Variants in SLC35F3 observed in about 807,000 individuals in gnomAD.
The protein encoded by SLC35F3 is putative thiamine transporter SLC35F3.
SLC35F3 carries 25 observed loss-of-function variants against 49.9 expected under a neutral mutation model. The observed-to-expected ratio is 0.50, with a 90% CI of 0.37 to 0.70. The LOEUF (loss-of-function observed/expected upper bound fraction) is 0.70. Among genes scored for constraint, SLC35F3 ranks in the 30% least tolerant of loss-of-function variants. The pLI is 0.00. For missense variants in SLC35F3, 525 were observed against 639.8 expected, an observed-to-expected ratio of 0.82 and a Z score of 1.94; for synonymous variants, 275 against 265.4, an observed-to-expected ratio of 1.04 and a Z score of -0.35.
intron 1 of SLC35F3, 23 bp from the exon 2 acceptor site, chr1:233,905,506 G>A (rs1341643628): frequency 6.3e-7 from 1 of 1,580,326 alleles, no homozygotes; most frequent in East Asian, 2.3e-5. Flanking sequence ...CCACCCACCT[G>A]CCCGTGGCGC....
chr1:234,165,538 C>A (rs886168868), intron 2 of SLC35F3, among the ~76,000 whole-genome samples: 1 of 151,894 alleles, frequency 6.6e-6, no homozygotes, highest in Non-Finnish European at 1.5e-5. Context: ...GTCTTAGAAC[C>A]TCTTTACATT....
intron 3 of SLC35F3, among the ~76,000 whole-genome samples, chr1:234,254,454 C>A (rs1425823946): frequency 6.6e-6 from 1 of 152,124 alleles, no homozygotes; most frequent in Non-Finnish European, 1.5e-5. Context: ...CTTCTCCCAT[C>A]CAAGAATAAT....
At chr1:234,236,937 A>ATATATATATATG (rs1667482608) in intron 3 of SLC35F3, among the ~76,000 whole-genome samples, 1 of 94,606 alleles carries the variant, frequency 1.1e-5, no homozygotes, top group African/African-American at 4.2e-5. Context: ...ATATATATAT[A>ATATATATATATG]TATATATATA....
At chr1:234,180,105 A>C (rs1454626669) in intron 2 of SLC35F3, among the ~76,000 whole-genome samples, 1 of 152,146 alleles carries the variant, frequency 6.6e-6, no homozygotes, top group African/African-American at 2.4e-5. Context: ...TGACAACAGC[A>C]CCTGGCTAGA....
chr1:234,172,556 G>T (rs879129313), intron 2 of SLC35F3, among the ~76,000 whole-genome samples: 1 of 152,188 alleles, frequency 6.6e-6, no homozygotes, highest in East Asian at 1.9e-4. Flanking sequence ...AAATAGTTCA[G>T]TGTCACTTAA....
intron 2 of SLC35F3, among the ~76,000 whole-genome samples, chr1:233,931,901 C>T (rs1662249066): frequency 3.3e-5 from 5 of 152,162 alleles, no homozygotes. Context: ...CCCAAATGTC[C>T]ATCAATGATA....
intron 2 of SLC35F3, among the ~76,000 whole-genome samples, chr1:234,088,427 C>T (rs1186975506): frequency 1.3e-5 from 2 of 152,154 alleles, no homozygotes; most frequent in Non-Finnish European, 2.9e-5. Context: ...AGGCTGGTCT[C>T]GAACTCCTGA....
chr1:234,021,263 T>A (rs914898756), intron 2 of SLC35F3, among the ~76,000 whole-genome samples: 3 of 152,146 alleles, frequency 2.0e-5, no homozygotes, highest in Non-Finnish European at 4.4e-5. Flanking sequence ...AATGTGGTCT[T>A]GAAGCTGGGC....
intron 2 of SLC35F3, among the ~76,000 whole-genome samples, chr1:234,000,182 A>G (rs1263838760): frequency 1.3e-5 from 2 of 152,224 alleles, no homozygotes; most frequent in Non-Finnish European, 2.9e-5. Flanking sequence ...CGCAAAGAGT[A>G]GAAAACATGG....
chr1:234,304,350 G>A (rs1668744967), intron 3 of SLC35F3, among the ~76,000 whole-genome samples: 1 of 151,844 alleles, frequency 6.6e-6, no homozygotes, highest in Non-Finnish European at 1.5e-5. Flanking sequence ...TTTAGTAGAG[G>A]CAGGGTTTCA....
intron 2 of SLC35F3, among the ~76,000 whole-genome samples, chr1:234,198,564 T>A (rs1440766630): frequency 1.3e-5 from 2 of 152,214 alleles, no homozygotes; most frequent in African/African-American, 4.8e-5. Context: ...GTCTGCTTTT[T>A]TTATTCTAGC....
intron 2 of SLC35F3, among the ~76,000 whole-genome samples, chr1:233,973,928 C>T (rs1172399279): frequency 2.0e-5 from 3 of 152,114 alleles, no homozygotes; most frequent in Non-Finnish European, 4.4e-5. Context: ...ACAGACTTGG[C>T]TAGACAATTG....
intron 2 of SLC35F3, among the ~76,000 whole-genome samples, chr1:234,039,892 CCA>C (rs1025040445): frequency 6.6e-6 from 1 of 152,200 alleles, no homozygotes; most frequent in African/African-American, 2.4e-5. Flanking sequence ...GTTCCGCCAT[CCA>C]CAGACAGCAA....
At chr1:234,099,607 T>TAAAAAA (rs34510298) in intron 2 of SLC35F3, among the ~76,000 whole-genome samples, 1 of 87,636 alleles carries the variant, frequency 1.1e-5, no homozygotes, top group South Asian at 3.8e-4. Context: ...AGACTCTGTC[T>TAAAAAA]AAAAAAAAAA....
intron 2 of SLC35F3, among the ~76,000 whole-genome samples, chr1:234,063,917 T>G (rs770294099): frequency 2.6e-5 from 4 of 152,204 alleles, no homozygotes; most frequent in Non-Finnish European, 4.4e-5. Flanking sequence ...TGGCCGCTTC[T>G]TCTGTGAAGA....
At chr1:234,304,983 G>C (rs1657111747) in intron 3 of SLC35F3, among the ~76,000 whole-genome samples, 1 of 152,166 alleles carries the variant, frequency 6.6e-6, no homozygotes, top group Non-Finnish European at 1.5e-5. Context: ...TAGAAAAACT[G>C]AAGTGGAGGA....
At chr1:234,066,832 A>G (rs59887169) in intron 2 of SLC35F3, among the ~76,000 whole-genome samples, 3 of 44,434 alleles carry the variant, frequency 6.8e-5, no homozygotes, top group African/African-American at 3.1e-4. Flanking sequence ...TCTCTCTCCC[A>G]CACACACACA....
At chr1:234,322,936 G>C in intron 7 of SLC35F3, 72 bp from the exon 8 acceptor site, 1 of 1,302,362 alleles carries the variant, frequency 7.7e-7, no homozygotes, top group Non-Finnish European at 1.1e-6. Flanking sequence ...GGTGCCCCCA[G>C]GCCCTGCCCA....
At chr1:234,211,064 T>C (rs545240311) in intron 2 of SLC35F3, among the ~76,000 whole-genome samples, 6 of 152,372 alleles carry the variant, frequency 3.9e-5, no homozygotes, top group African/African-American at 1.4e-4. Flanking sequence ...AACATAGAGC[T>C]TGGGCTGTTG....
Sources: gnomAD v4.1 joint callset for allele counts (sites outside exome capture counted in the v4.1 genomes callset) on GRCh38, gnomAD v4.1.1 for gene constraint, MANE v1.5 for transcripts, NCBI Gene and HGNC (gene_info 2026-07-23, HGNC 2026-07-21) for gene names.